The following FBN2 variants were observed in gnomAD, a reference collection of about 807,000 sequenced individuals.
FBN2 encodes the protein fibrillin-2.
A neutral mutation model predicts 355.6 loss-of-function variants in FBN2; 105 were observed. The observed-to-expected ratio is 0.30, with a 90% CI of 0.25 to 0.35. The LOEUF (loss-of-function observed/expected upper bound fraction) is 0.35. Among genes scored for constraint, FBN2 ranks in the 10% least tolerant of loss-of-function variants. The pLI is 1.00. For synonymous variants in FBN2, 1,350 were observed against 1,301.2 expected, an observed-to-expected ratio of 1.04 and a Z score of -0.81; for missense variants, 3,280 against 3,758.7, an observed-to-expected ratio of 0.87 and a Z score of 3.33.
chr5:128,330,663 A>C lies in FBN2; in HGVS notation c.4255T>G (p.Cys1419Gly). The C allele has an allele frequency of 6.2e-7, 1 of 1,613,946 alleles. No individual in the cohort carries two copies. The stretch of plus-strand genomic sequence containing the variant: ...TTTACACACTGAGCATTGATGCTAC[A>C]CTGGTGGGTTCCATTAGAACATTCG... ...LDECSNGTHQ[C>G]SINAQCVNTP... Residue 1419 changes from cysteine to glycine, a missense_variant, in exon 33 of 65, where the codon TGT (cysteine) becomes GGT (glycine). By Grantham distance (159) the Cys-to-Gly change is radical (BLOSUM62 -3). Coordinates refer to ENST00000262464, the MANE Select transcript of FBN2 (RefSeq NM_001999.4).
intron 55 of FBN2, among the ~76,000 whole-genome samples, chr5:128,283,431 A>G (rs762367890): frequency 1.3e-5 from 2 of 152,172 alleles, no homozygotes; most frequent in African/African-American, 2.4e-5. Context: ...ATGTTACTCT[A>G]CATCTTAGTA....
chr5:128,305,508 T>C lies in FBN2; in HGVS notation c.5674+3A>G. ...CCAAAGAATGAGTCAGCCTCTTTCT[T>C]ACCTACACAGGCCCCATTGGGTGAA... is the stretch of plus-strand genomic sequence containing the variant. On this transcript the variant is annotated splice_donor_region_variant and intron_variant, in intron 44 of 64. Coordinates refer to ENST00000262464, the MANE Select transcript of FBN2 (RefSeq NM_001999.4). 2.5e-6 allele frequency: 4 copies of C among 1,614,010 alleles called. No homozygotes were observed. The highest frequency in any genetic ancestry group is 3.4e-6 in the Non-Finnish European group (4 of 1,179,946).
chr5:128,439,061 TC>T (rs1319622149), intron 7 of FBN2, among the ~76,000 whole-genome samples: 1 of 152,188 alleles, frequency 6.6e-6, no homozygotes, highest in Admixed American at 6.5e-5. Flanking sequence ...TACGTTTATA[TC>T]AATATATAAA....
chr5:128,408,622 T>A, intron 8 of FBN2, 52 bp downstream of exon 8: 18 of 1,610,892 alleles, frequency 1.1e-5, no homozygotes, highest in Non-Finnish European at 1.5e-5. Context: ...GTTTGGGCTG[T>A]TTTGTCATTA....
In FBN2 at chr5:128,318,626, T is replaced by C. The variant is rs28763939; in HGVS notation, c.4594+253A>G. ...ATATATACATATACATGAACATATA[T>C]ATAAAGAGACACTTTACTAGTTTCA... is the stretch of plus-strand genomic sequence containing the variant. On this transcript the variant is annotated intron_variant, in intron 35 of 64. Transcript: ENST00000262464. Among the ~76,000 whole-genome samples the C allele has an allele frequency of 0.075, 11,447 of 151,972 alleles. 670 individuals carry two copies. The highest frequency in any genetic ancestry group is 0.17 in the Admixed American group (2,627 of 15,230).
At chr5:128,404,163 A>G (rs1259378134) in intron 8 of FBN2, among the ~76,000 whole-genome samples, 3 of 152,250 alleles carry the variant, frequency 2.0e-5, no homozygotes, top group African/African-American at 7.2e-5. Context: ...TCCAACATAT[A>G]TAATTCAACC....
chr5:128,517,947 CAA>C (rs762003155), intron 5 of FBN2, among the ~76,000 whole-genome samples: 25 of 152,262 alleles, frequency 1.6e-4, no homozygotes, highest in East Asian at 9.6e-4. Flanking sequence ...AATTTTAGCT[CAA>C]GTTTGTTTTT....
rs118112497 is a variant in FBN2, at chr5:128,324,291, T to C, written c.4471+4405A>G. On this transcript the variant is annotated intron_variant, in intron 34 of 64. Transcript: ENST00000262464. Reference sequence around the variant, plus strand: ...AGGGTTTATTGTGTCCCTGTCTCCTTCAGTTCTGCTCTTAGTTATTTCTTG... The same window carrying C: ...AGGGTTTATTGTGTCCCTGTCTCCTCCAGTTCTGCTCTTAGTTATTTCTTG... 2.4e-4 allele frequency among the ~76,000 whole-genome samples: 36 copies of C among 152,350 alleles called. No individual in the cohort carries two copies. The East Asian group carries it at 6.8e-3, about 29-fold the overall frequency.
At chr5:128,499,133 T>C (rs887018057) in intron 5 of FBN2, among the ~76,000 whole-genome samples, 25 of 152,176 alleles carry the variant, frequency 1.6e-4, no homozygotes, top group Non-Finnish European at 3.2e-4. Flanking sequence ...TAAAGTTGAC[T>C]ATTCCAAATC....
intron 13 of FBN2, among the ~76,000 whole-genome samples, 190 bp downstream of exon 13, chr5:128,377,562 A>C (rs886938496): frequency 6.7e-5 from 10 of 149,506 alleles, no homozygotes; most frequent in South Asian, 2.1e-4. Flanking sequence ...AAAAAAAAAA[A>C]CCAAAAAACA....
intron 36 of FBN2, among the ~76,000 whole-genome samples, chr5:128,313,730 G>A (rs796661170): frequency 4.0e-5 from 6 of 151,538 alleles, no homozygotes; most frequent in African/African-American, 1.5e-4. Flanking sequence ...GCGGGCACCT[G>A]TAGTCCCAGC....
intron 7 of FBN2, among the ~76,000 whole-genome samples, chr5:128,434,429 C>CAGTA (rs1288515827): frequency 2.9e-5 from 2 of 69,322 alleles, no homozygotes; most frequent in East Asian, 8.1e-4. Context: ...TATATATGGG[C>CAGTA]AGTAAGTGAC....
intron 8 of FBN2, among the ~76,000 whole-genome samples, chr5:128,401,645 G>T (rs1272233152): frequency 1.3e-5 from 2 of 152,114 alleles, no homozygotes; most frequent in Middle Eastern, 3.2e-3. Context: ...GCCCAGCGTG[G>T]TGGCACGTTG....
At chr5:128,480,728 T>C (rs2017775) in intron 5 of FBN2, among the ~76,000 whole-genome samples, 25,093 of 151,986 alleles carry the variant, frequency 0.17, 2,360 homozygotes, top group Non-Finnish European at 0.23. Flanking sequence ...CCTTCTCAAA[T>C]AAATAAATAA....
rs1405292301 is a variant in FBN2 at position 128,297,061 on chromosome 5, T to G, written c.6166+3756A>C. Among the ~76,000 whole-genome samples the G allele has an allele frequency of 5.9e-5, 9 of 152,254 alleles. No homozygotes were observed. In the South Asian group the frequency reaches 8.4e-4, roughly 14 times the overall value. Reference sequence around the variant, plus strand: ...TGTCTTTGTTCTCGCTGGTTTCAAATAACATCTTTATTTCTGCCTTCATTT... The same window carrying G: ...TGTCTTTGTTCTCGCTGGTTTCAAAGAACATCTTTATTTCTGCCTTCATTT... On this transcript the variant is annotated intron_variant, in intron 48 of 64. Transcript: ENST00000262464.
chr5:128,495,425 G>A (rs1324916657), intron 5 of FBN2, among the ~76,000 whole-genome samples: 1 of 152,078 alleles, frequency 6.6e-6, no homozygotes, highest in Non-Finnish European at 1.5e-5. Context: ...CAAACTTGAT[G>A]AAACACTATT....
At chr5:128,283,194 C>G (rs1749030489) in intron 55 of FBN2, among the ~76,000 whole-genome samples, 1 of 152,202 alleles carries the variant, frequency 6.6e-6, no homozygotes, top group Non-Finnish European at 1.5e-5. Context: ...ATCATTCCCT[C>G]AGCATAAATT....
At chr5:128,438,935 G>A (rs1401799286) in intron 7 of FBN2, among the ~76,000 whole-genome samples, 1 of 152,022 alleles carries the variant, frequency 6.6e-6, no homozygotes, top group East Asian at 1.9e-4. Context: ...AGACTTTCTA[G>A]TCCTTCCATG....
chr5:128,451,108 A>G (rs1421709901), intron 6 of FBN2, among the ~76,000 whole-genome samples: 2 of 152,118 alleles, frequency 1.3e-5, no homozygotes, highest in Admixed American at 6.6e-5. Context: ...GTGTCAGTAC[A>G]TATCAATTTG....
Sources: allele counts gnomAD v4.1 joint callset (sites outside exome capture counted in the v4.1 genomes callset), GRCh38; gene constraint gnomAD v4.1.1; transcripts MANE v1.5; gene names NCBI Gene and HGNC (gene_info 2026-07-23, HGNC 2026-07-21).